Variants in TMEM30A observed in about 807,000 individuals in gnomAD.
The protein encoded by TMEM30A is cell cycle control protein 50A.
TMEM30A carries 24 observed loss-of-function variants against 38.2 expected under a neutral mutation model. The ratio of observed to expected loss-of-function variants is 0.63; its 90% CI spans 0.46 to 0.88. The LOEUF is 0.88. TMEM30A is among the 40% of genes least tolerant of loss of function. The probability of loss-of-function intolerance (pLI) is 0.00; values close to 1 mark genes in which losing one functional copy is unlikely to be tolerated. For missense variants in TMEM30A, 370 were observed against 458.6 expected (o/e 0.81, Z 1.77); for synonymous variants, 145 against 161.6 (o/e 0.90, Z 0.78).
In TMEM30A at chr6:75,254,045, A is replaced by G. The variant is rs1290443968; in HGVS notation, c.*2057T>C. ...TTCACAGAGACTATACGAATGTTCCATACTCTTCATATTTAGCAACAGGAG... is the reference window on the plus strand; with the variant it reads ...TTCACAGAGACTATACGAATGTTCCGTACTCTTCATATTTAGCAACAGGAG... On this transcript the variant is annotated 3_prime_UTR_variant, in exon 7 of 7. Coordinates refer to ENST00000230461, the MANE Select transcript of TMEM30A (RefSeq NM_018247.4). 2 of 152,106 alleles carry G rather than the reference A, an allele frequency of 1.3e-5. No homozygotes were observed. Among genetic ancestry groups the G allele is most frequent in the Non-Finnish European group, 2.9e-5 (2 of 68,000 alleles). 9.4% of individuals were successfully genotyped at this position (152,106 alleles called of 1,614,324 possible). A position where few individuals can be genotyped will look rare whatever the true frequency, so the allele number is the denominator to read the frequency against.
intron 2 of TMEM30A, 126 bp from the exon 3 acceptor site, chr6:75,265,464 T>C (rs549686016): frequency 2.2e-6 from 1 of 461,920 alleles, no homozygotes; most frequent in East Asian, 4.0e-5. Context: ...GGTAGTGGGG[T>C]AAATTCCACC....
chr6:75,270,234 C>T (rs1228861541), intron 1 of TMEM30A, among the ~76,000 whole-genome samples: 1 of 152,190 alleles, frequency 6.6e-6, no homozygotes, highest in East Asian at 1.9e-4. Context: ...TGGATTTTCA[C>T]CATCCTACTA....
intron 1 of TMEM30A, among the ~76,000 whole-genome samples, chr6:75,273,601 A>G (rs560544996): frequency 1.3e-5 from 2 of 152,192 alleles, no homozygotes; most frequent in Non-Finnish European, 2.9e-5. Context: ...ACAAAGAGAG[A>G]CTACATCCCT....
At chr6:75,272,015 G>A (rs946922508) in intron 1 of TMEM30A, among the ~76,000 whole-genome samples, 1 of 152,140 alleles carries the variant, frequency 6.6e-6, no homozygotes, top group Admixed American at 6.6e-5. Flanking sequence ...AAATCACAAG[G>A]TATATTTAAG....
At chr6:75,265,474 C>A in intron 2 of TMEM30A, 136 bp from the exon 3 acceptor site, 1 of 424,180 alleles carries the variant, frequency 2.4e-6, no homozygotes, top group South Asian at 3.3e-5. Flanking sequence ...TAAATTCCAC[C>A]AGTACTTAGC....
intron 6 of TMEM30A, among the ~76,000 whole-genome samples, chr6:75,257,132 CTTAAA>C (rs1002173683): frequency 3.3e-5 from 5 of 152,130 alleles, no homozygotes; most frequent in African/African-American, 1.2e-4. Context: ...CTGCTAACTT[CTTAAA>C]TTAACCCTAA....
Position 75,267,579 on chromosome 6 carries a change from T to C in TMEM30A, c.345+62A>G, listed in dbSNP as rs1772090385. 6.0e-6 allele frequency: 7 copies of C among 1,167,390 alleles called. No individual in the cohort carries two copies. The South Asian group carries it at 1.0e-4, about 17-fold the overall frequency. 72.3% of individuals were successfully genotyped at this position (1,167,390 alleles called of 1,614,324 possible). On this transcript the variant is annotated intron_variant, in intron 2 of 6. Transcript: ENST00000230461. ...AGGAAAATACCTTGTAAAAGACATT[T>C]AGTACAGTATCAGTATTTTTTAAAG...
At position 75,259,445 on chromosome 6, in the gene TMEM30A, G is replaced by C. The variant is rs753425663; in HGVS notation, c.587C>G (p.Pro196Arg). The C allele has an allele frequency of 5.0e-6, 8 of 1,611,034 alleles. No individual in the cohort carries two copies. The African/African-American group carries it at 5.4e-5, about 11-fold the overall frequency. Reference protein sequence around the residue: ...FLIGNDSYPIPIALKKKGIAW... With the variant: ...FLIGNDSYPIRIALKKKGIAW... The stretch of plus-strand genomic sequence containing the variant: ...AATACCTTTCTTTTTCAAAGCGATA[G>C]GTATAGGATAAGAATCATTGCCAAT... The change falls in exon 5 of 7, where the codon CCT becomes CGT. Residue 196 changes from proline (P) to arginine (R), a missense_variant. Coordinates refer to ENST00000230461, the MANE Select transcript of TMEM30A (RefSeq NM_018247.4).
intron 1 of TMEM30A, among the ~76,000 whole-genome samples, chr6:75,268,923 A>T (rs2149521418): frequency 6.6e-6 from 1 of 152,338 alleles, no homozygotes; most frequent in Non-Finnish European, 1.5e-5. Context: ...GAATTGCAGT[A>T]TACTGGTTGA....
chr6:75,268,098 T>C (rs919239688), intron 1 of TMEM30A, among the ~76,000 whole-genome samples: 3 of 152,226 alleles, frequency 2.0e-5, no homozygotes, highest in African/African-American at 7.2e-5. Context: ...AATCAGTTTT[T>C]CCTCTTAAAT....
intron 6 of TMEM30A, among the ~76,000 whole-genome samples, chr6:75,258,121 T>G (rs1303845663): frequency 1.3e-5 from 2 of 152,194 alleles, no homozygotes; most frequent in African/African-American, 4.8e-5. Context: ...CAACTCTTTA[T>G]TATTACCTGT....
At chr6:75,262,302 G>A (rs1164597937) in intron 3 of TMEM30A, among the ~76,000 whole-genome samples, 2 of 152,070 alleles carry the variant, frequency 1.3e-5, no homozygotes, top group African/African-American at 4.8e-5. Flanking sequence ...AGCAGAGATC[G>A]TGCCACTGCA....
chr6:75,262,047 C>T (rs1457249369), intron 3 of TMEM30A, among the ~76,000 whole-genome samples: 1 of 152,172 alleles, frequency 6.6e-6, no homozygotes, highest in Non-Finnish European at 1.5e-5. Context: ...AACTGGCTTA[C>T]AAAAGCTATT....
At chr6:75,278,957 T>C (rs528017290) in intron 1 of TMEM30A, among the ~76,000 whole-genome samples, 4 of 152,290 alleles carry the variant, frequency 2.6e-5, no homozygotes, top group South Asian at 4.1e-4. Context: ...CAGTGTTCCA[T>C]GGTCATTAGA....
chr6:75,258,774 G>A lies in TMEM30A; in HGVS notation c.892+6C>T. ...TGAATCTGTATACCCAGCCAAAAAA[G>A]GATACTGTATGTGACATTCAAAGAG... On this transcript the variant is annotated splice_donor_region_variant and intron_variant, in intron 6 of 6. Transcript: ENST00000230461. 3.1e-6 allele frequency: 5 copies of A among 1,613,106 alleles called. No homozygotes were observed. Among genetic ancestry groups the A allele is most frequent in the Non-Finnish European group, 4.2e-6 (5 of 1,179,376 alleles).
rs577513902 is a variant in TMEM30A at position 75,284,412 on chromosome 6, C to A, written c.227G>T (p.Arg76Leu). ...IGIFVTSNNIREIEIDYTGTE... is the reference protein window; with the variant it reads ...IGIFVTSNNILEIEIDYTGTE... ...GCTCCCTCCCCTCACCTCGATCTCG[C>A]GGATGTTGTTGGAGGTGACAAAAAT... Residue 76 changes from arginine (R) to leucine (L), a missense_variant, in exon 1 of 7, where the codon CGC becomes CTC. By Grantham distance (102) the Arg-to-Leu change is moderately radical. Coordinates refer to ENST00000230461, the MANE Select transcript of TMEM30A (RefSeq NM_018247.4). 2.2e-5 allele frequency: 35 copies of A among 1,614,012 alleles called. No individual in the cohort carries two copies. The South Asian group carries it at 3.2e-4, about 15-fold the overall frequency.
chr6:75,271,190 C>T (rs1337080885), intron 1 of TMEM30A, among the ~76,000 whole-genome samples: 1 of 151,956 alleles, frequency 6.6e-6, no homozygotes, highest in Non-Finnish European at 1.5e-5. Context: ...GAACAGAAAC[C>T]TCTCAAATCA....
intron 3 of TMEM30A, among the ~76,000 whole-genome samples, chr6:75,263,739 A>G (rs1772013370): frequency 6.6e-6 from 1 of 152,216 alleles, no homozygotes; most frequent in South Asian, 2.1e-4. Flanking sequence ...AGTATATAAG[A>G]TAATAAGGCT....
intron 6 of TMEM30A, among the ~76,000 whole-genome samples, chr6:75,257,164 T>C (rs1771880466): frequency 6.6e-6 from 1 of 152,118 alleles, no homozygotes; most frequent in African/African-American, 2.4e-5. Flanking sequence ...GCAGGAATGA[T>C]TTTAAGACCT....
Sources: gnomAD v4.1 joint callset for allele counts (sites outside exome capture counted in the v4.1 genomes callset) on GRCh38, gnomAD v4.1.1 for gene constraint, MANE v1.5 for transcripts, NCBI Gene and HGNC (gene_info 2026-07-23, HGNC 2026-07-21) for gene names.